The following CNTN6 variants were observed in gnomAD, a reference collection of about 807,000 sequenced individuals.
The protein encoded by CNTN6 is contactin 6.
CNTN6 carries 137 observed loss-of-function variants against 122.8 expected under a neutral mutation model. The ratio of observed to expected loss-of-function variants is 1.12; its 90% CI spans 0.97 to 1.29. CNTN6 has a LOEUF of 1.29. CNTN6 is among the 50% of genes most tolerant of loss of function. CNTN6 has a pLI of 0.00. For synonymous variants in CNTN6, 570 were observed against 426.0 expected (o/e 1.34, Z -4.16); for missense variants, 1,634 against 1,223.4 (o/e 1.34, Z -5.01).
chr3:1,235,895 C>T (rs915750993), intron 4 of CNTN6, among the ~76,000 whole-genome samples: 37 of 151,452 alleles, frequency 2.4e-4, no homozygotes, highest in Admixed American at 8.6e-4. Flanking sequence ...TGAGACTGGC[C>T]TTTAGGACTC....
chr3:1,361,978 C>T (rs894156501), intron 12 of CNTN6, among the ~76,000 whole-genome samples: 1 of 152,016 alleles, frequency 6.6e-6, no homozygotes, highest in Non-Finnish European at 1.5e-5. Context: ...GGTAGACTTA[C>T]AGTGAAAGGG....
intron 19 of CNTN6, among the ~76,000 whole-genome samples, chr3:1,385,371 C>G (rs558290897): frequency 6.6e-6 from 1 of 152,124 alleles, no homozygotes; most frequent in Non-Finnish European, 1.5e-5. Context: ...TTTTGGTAAT[C>G]TAAAAAATCA....
intron 4 of CNTN6, 69 bp downstream of exon 4, chr3:1,228,062 A>T: frequency 1.4e-6 from 2 of 1,446,248 alleles, no homozygotes; most frequent in Non-Finnish European, 1.9e-6. Flanking sequence ...CACACATTTT[A>T]AAAATCTAGC....
At chr3:1,305,512 C>G (rs1048630554) in intron 7 of CNTN6, among the ~76,000 whole-genome samples, 3 of 152,034 alleles carry the variant, frequency 2.0e-5, no homozygotes, top group African/African-American at 7.2e-5. Context: ...CTGAGAAGCT[C>G]CTTGTATAGG....
At chr3:1,186,326 G>A (rs562053357) in intron 2 of CNTN6, among the ~76,000 whole-genome samples, 45 of 151,964 alleles carry the variant, frequency 3.0e-4, no homozygotes, top group South Asian at 1.5e-3. Flanking sequence ...AGACGTTATC[G>A]TCAGCTCAAA....
At chr3:1,386,699 T>A (rs1002041183) in intron 20 of CNTN6, among the ~76,000 whole-genome samples, 1 of 151,202 alleles carries the variant, frequency 6.6e-6, no homozygotes, top group African/African-American at 2.5e-5. Flanking sequence ...TAAAACACAT[T>A]TTTTTGCTCT....
chr3:1,292,056 G>T (rs1420710731), intron 5 of CNTN6, among the ~76,000 whole-genome samples: 1 of 152,048 alleles, frequency 6.6e-6, no homozygotes, highest in South Asian at 2.1e-4. Context: ...ATCCCGAGTA[G>T]TGTTCATCCA....
At chr3:1,295,366 A>C (rs187625678) in intron 5 of CNTN6, among the ~76,000 whole-genome samples, 129 of 152,254 alleles carry the variant, frequency 8.5e-4, no homozygotes, top group African/African-American at 3.0e-3. Flanking sequence ...TTATATCCTT[A>C]ATCCCAAAAA....
At chr3:1,236,140 GC>G (rs144821834) in intron 4 of CNTN6, among the ~76,000 whole-genome samples, 3,246 of 152,092 alleles carry the variant, frequency 0.021, 115 homozygotes, top group African/African-American at 0.075. Flanking sequence ...TGTCCTGGTA[GC>G]CAAAGACAAA....
intron 4 of CNTN6, among the ~76,000 whole-genome samples, chr3:1,253,355 G>A (rs1439572555): frequency 6.6e-6 from 1 of 152,124 alleles, no homozygotes; most frequent in Non-Finnish European, 1.5e-5. Flanking sequence ...TAGTGAAACA[G>A]TCTTTCACCC....
intron 20 of CNTN6, among the ~76,000 whole-genome samples, chr3:1,389,944 C>A (rs1693848510): frequency 6.6e-6 from 1 of 150,466 alleles, no homozygotes; most frequent in Admixed American, 6.6e-5. Flanking sequence ...GACTTAGACT[C>A]CCACACATTA....
intron 1 of CNTN6, among the ~76,000 whole-genome samples, chr3:1,127,131 T>A (rs59541572): frequency 0.43 from 64,644 of 151,178 alleles, 13,974 homozygotes; most frequent in East Asian, 0.48. Context: ...GTGTTTACTA[T>A]TTCATTTACG....
At chr3:1,132,658 A>AAATAAATAAAT (rs2092368183) in intron 1 of CNTN6, among the ~76,000 whole-genome samples, 4 of 144,402 alleles carry the variant, frequency 2.8e-5, no homozygotes, top group African/African-American at 1.0e-4. Flanking sequence ...CTCTGTCTAA[A>AAATAAATAAAT]AAATAAATAA....
intron 17 of CNTN6, among the ~76,000 whole-genome samples, chr3:1,380,275 T>C (rs987283659): frequency 2.6e-5 from 4 of 152,194 alleles, no homozygotes; most frequent in African/African-American, 9.7e-5. Context: ...CTCCCTGTGG[T>C]ATAATCTGCC....
At chr3:1,103,030 C>G (rs541474434) in intron 1 of CNTN6, among the ~76,000 whole-genome samples, 1 of 151,370 alleles carries the variant, frequency 6.6e-6, no homozygotes, top group Non-Finnish European at 1.5e-5. Context: ...GGCGGGAACC[C>G]GGGAGGCGGA....
intron 2 of CNTN6, among the ~76,000 whole-genome samples, chr3:1,213,548 A>T (rs74400088): frequency 0.096 from 14,617 of 151,984 alleles, 1,636 homozygotes; most frequent in East Asian, 0.49. Context: ...CAAAGAAAAT[A>T]AAAAACCTAT....
intron 20 of CNTN6, among the ~76,000 whole-genome samples, chr3:1,400,940 C>T (rs541231310): frequency 7.9e-5 from 12 of 152,220 alleles, no homozygotes; most frequent in African/African-American, 2.9e-4. Flanking sequence ...TGATAATTTA[C>T]TACAAATATT....
At chr3:1,135,782 C>A (rs1363371844) in intron 1 of CNTN6, among the ~76,000 whole-genome samples, 1 of 152,066 alleles carries the variant, frequency 6.6e-6, no homozygotes, top group Non-Finnish European at 1.5e-5. Flanking sequence ...CACCTGAGGT[C>A]AGTAGTTCAA....
chr3:1,314,203 T>C (rs993701868), intron 7 of CNTN6, among the ~76,000 whole-genome samples: 1 of 152,146 alleles, frequency 6.6e-6, no homozygotes, highest in Non-Finnish European at 1.5e-5. Flanking sequence ...AGGACAATCT[T>C]ACATTCCAAG....
Sources: gnomAD v4.1 joint callset for allele counts (sites outside exome capture counted in the v4.1 genomes callset) on GRCh38, gnomAD v4.1.1 for gene constraint, MANE v1.5 for transcripts, NCBI Gene and HGNC (gene_info 2026-07-23, HGNC 2026-07-21) for gene names.